The following DGKA variants were observed in gnomAD, a reference collection of about 807,000 sequenced individuals.
DGKA encodes diacylglycerol kinase alpha.
Under a neutral mutation model 105.0 loss-of-function variants are expected in DGKA, and 35 were observed. That is an observed-to-expected ratio of 0.33 (90% CI 0.25 to 0.44). DGKA has a LOEUF of 0.44. Among genes scored for constraint, DGKA ranks in the 20% least tolerant of loss-of-function variants. The pLI is 1.00. For synonymous variants in DGKA, 296 were observed against 332.0 expected (o/e 0.89, Z 1.18); for missense variants, 665 against 915.0 (o/e 0.73, Z 3.53).
Position 55,932,408 on chromosome 12 carries a change from A to G in DGKA, c.-82+1064A>G, listed in dbSNP as rs1883770285. On this transcript the variant is annotated intron_variant, in intron 1 of 23. Coordinates refer to ENST00000331886, the MANE Select transcript of DGKA (RefSeq NM_001345.5). This position sits in a 1 kb window ranked among gnomAD's most constrained non-coding sequence, Gnocchi z 4.3. Reference sequence around the variant, plus strand: ...GTTCCTGGGACCCGACTCGGAGGGAAGTCCTCTTCGGAACCTCCACAGTGC... The same window carrying G: ...GTTCCTGGGACCCGACTCGGAGGGAGGTCCTCTTCGGAACCTCCACAGTGC... The G allele has an allele frequency of 9.8e-6, 6 of 613,682 alleles. No individual in the cohort carries two copies. The highest frequency in any genetic ancestry group is 4.0e-4 in the Middle Eastern group (1 of 2,522). 38.0% of individuals were successfully genotyped at this position (613,682 alleles called of 1,614,324 possible). A position where few individuals can be genotyped will look rare whatever the true frequency, so the allele number is the denominator to read the frequency against.
chr12:55,931,222 C>G lies in DGKA; in HGVS notation c.-204C>G, dbSNP rs772701. 5,778 of 152,278 alleles carry G rather than the reference C, an allele frequency of 0.038. 373 individuals carry two copies. Among genetic ancestry groups the G allele is most frequent in the African/African-American group, 0.13 (5,415 of 41,492 alleles). The allele number at this position is 152,278 out of a possible 1,614,324, so 9.4% of individuals were successfully genotyped here. ...CTCCCTTGCTGTACCACCTTCACCA[C>G]CATCCATGCGACCCCAAGAGCCTTA... On this transcript the variant is annotated 5_prime_UTR_variant, in exon 1 of 24. Transcript: ENST00000331886.
rs924931796 is a variant in DGKA, at chr12:55,952,959, G to A, written c.1942+27G>A. 3 of 1,614,078 alleles carry A rather than the reference G, an allele frequency of 1.9e-6. No individual in the cohort carries two copies. Reference sequence around the variant, plus strand: ...TGAGAGGAGCAGCCTTGGGAGCTGAGTGGGCAGGACGAAGGGAAAGTGTGA... The same window carrying A: ...TGAGAGGAGCAGCCTTGGGAGCTGAATGGGCAGGACGAAGGGAAAGTGTGA... On this transcript the variant is annotated intron_variant, in intron 21 of 23. Transcript: ENST00000331886. The surrounding 1 kb of genome is among the most constrained non-coding windows in gnomAD (Gnocchi z 5.1).
intron 22 of DGKA, 48 bp from the exon 23 acceptor site, chr12:55,953,302 G>C (rs746198249): frequency 1.2e-6 from 2 of 1,612,552 alleles, no homozygotes; most frequent in Non-Finnish European, 1.7e-6. Context: ...GCAGAGTTTT[G>C]GTATTCGATT....
intron 4 of DGKA, 41 bp from the exon 5 acceptor site, chr12:55,937,937 T>C (rs1885098617): frequency 1.3e-6 from 2 of 1,563,970 alleles, no homozygotes; most frequent in East Asian, 2.2e-5. Context: ...TGAGCCAAAG[T>C]GGAGGGAGCC....
At chr12:55,949,301 G>A (rs527236767) in intron 17 of DGKA, among the ~76,000 whole-genome samples, 2 of 151,930 alleles carry the variant, frequency 1.3e-5, no homozygotes, top group South Asian at 2.1e-4. Context: ...GGCCTCAAGC[G>A]ATTCTCCCTG....
intron 17 of DGKA, 183 bp downstream of exon 17, chr12:55,942,446 A>G (rs1053874606): frequency 5.0e-5 from 30 of 598,206 alleles, no homozygotes; most frequent in Admixed American, 1.1e-4. Flanking sequence ...AGGGACCACA[A>G]TCTGAACCTA....
At chr12:55,928,244 C>T (rs142721850), upstream of DGKA, 84 of 158,608 alleles carry the variant, frequency 5.3e-4, no homozygotes, top group African/African-American at 1.7e-3. Flanking sequence ...TAGCTTTTTC[C>T]TTATCAACCC....
chr12:55,943,739 G>T (rs1886475725), intron 17 of DGKA, among the ~76,000 whole-genome samples: 1 of 151,866 alleles, frequency 6.6e-6, no homozygotes, highest in African/African-American at 2.4e-5. Flanking sequence ...CAAATAGGAA[G>T]AAATATCTCT....
chr12:55,937,372 G>A, intron 3 of DGKA, 36 bp from the exon 4 acceptor site: 1 of 1,605,426 alleles, frequency 6.2e-7, no homozygotes, highest in Admixed American at 1.7e-5. Context: ...CTCTGACCTT[G>A]CAGACTCCCC....
Position 55,941,069 on chromosome 12 carries a change from G to C in DGKA, c.1101+89G>C. ...TGGGAATGAAGTGGGAGAGCCTGGT[G>C]GGGAGCGGTTGATGCTCACTCTCCA... is the stretch of plus-strand genomic sequence containing the variant. On this transcript the variant is annotated intron_variant, in intron 13 of 23. Transcript: ENST00000331886. 3 of 1,457,148 alleles carry C rather than the reference G, an allele frequency of 2.1e-6. No homozygotes were observed. The South Asian group carries it at 3.7e-5, about 18-fold the overall frequency. 90.3% of individuals were successfully genotyped at this position (1,457,148 alleles called of 1,614,324 possible). A position where few individuals can be genotyped will look rare whatever the true frequency, so the allele number is the denominator to read the frequency against.
chr12:55,949,540 T>G (rs547446016), intron 17 of DGKA, among the ~76,000 whole-genome samples: 1 of 152,196 alleles, frequency 6.6e-6, no homozygotes, highest in South Asian at 2.1e-4. Flanking sequence ...TTTGATAAAA[T>G]TTGCCAAAAT....
At chr12:55,939,394 G>C (rs767006663) in intron 8 of DGKA, 21 bp from the exon 9 acceptor site, 15 of 1,614,004 alleles carry the variant, frequency 9.3e-6, no homozygotes, top group Non-Finnish European at 1.3e-5. Context: ...ACACTCCCTA[G>C]CATCTACTGT....
At chr12:55,945,836 CT>C (rs1317680336) in intron 17 of DGKA, among the ~76,000 whole-genome samples, 1 of 151,814 alleles carries the variant, frequency 6.6e-6, no homozygotes, top group African/African-American at 2.4e-5. Context: ...GTTGCCCAGG[CT>C]GGAGTGCAGT....
chr12:55,930,303 T>G (rs939179349), upstream of DGKA: 3 of 151,488 alleles, frequency 2.0e-5, no homozygotes, highest in Non-Finnish European at 2.9e-5. Flanking sequence ...GATGAAGCTT[T>G]GCTAACAGTG....
chr12:55,938,732 T>C (rs1300359947), intron 6 of DGKA, 172 bp downstream of exon 6: 1 of 1,542,264 alleles, frequency 6.5e-7, no homozygotes, highest in Non-Finnish European at 8.8e-7. Context: ...TCAAAGAGAA[T>C]GCTGGATACA....
chr12:55,932,476 A>C lies in DGKA; in HGVS notation c.-82+1132A>C. 1.4e-6 allele frequency: 1 copy of C among 698,980 alleles called. No homozygotes were observed. Among genetic ancestry groups the C allele is most frequent in the South Asian group, 1.5e-5 (1 of 67,304 alleles). 43.3% of individuals were successfully genotyped at this position (698,980 alleles called of 1,614,324 possible). A position where few individuals can be genotyped will look rare whatever the true frequency, so the allele number is the denominator to read the frequency against. On this transcript the variant is annotated intron_variant, in intron 1 of 23. Transcript: ENST00000331886. This position sits in a 1 kb window ranked among gnomAD's most constrained non-coding sequence, Gnocchi z 4.3. Reference sequence around the variant, plus strand: ...GTTCTTGTTTGGCCTCCAGGTCCCCAACTTCCCACCCCATCCTCTCCCCAC... The same window carrying C: ...GTTCTTGTTTGGCCTCCAGGTCCCCCACTTCCCACCCCATCCTCTCCCCAC...
upstream of DGKA, chr12:55,927,821 G>T: frequency 2.0e-6 from 3 of 1,518,010 alleles, no homozygotes; most frequent in South Asian, 1.2e-5. Context: ...TGCCCCGCTG[G>T]GCGGCGCCGG....
chr12:55,934,496 A>G (rs1299830555), intron 1 of DGKA, among the ~76,000 whole-genome samples: 1 of 152,164 alleles, frequency 6.6e-6, no homozygotes, highest in African/African-American at 2.4e-5. Context: ...GTGCTGCATA[A>G]AAGTAGGCAG....
chr12:55,929,711 T>C (rs774649051), upstream of DGKA: 10 of 152,282 alleles, frequency 6.6e-5, no homozygotes, highest in Non-Finnish European at 1.5e-4. Context: ...CCGTAGGCAT[T>C]AAACGCCTCC....
Sources: gnomAD v4.1 joint callset for allele counts (sites outside exome capture counted in the v4.1 genomes callset) on GRCh38, gnomAD v4.1.1 for gene constraint, Gnocchi (gnomAD v3.1) non-coding constraint, MANE v1.5 for transcripts, NCBI Gene and HGNC (gene_info 2026-07-23, HGNC 2026-07-21) for gene names.